The following PON2 variants were observed in gnomAD, a reference collection of about 807,000 sequenced individuals.
PON2 encodes serum paraoxonase/arylesterase 2.
In PON2, 27 loss-of-function variants were observed where a neutral mutation model predicts 36.6. The ratio of observed to expected loss-of-function variants is 0.74; its 90% CI spans 0.54 to 1.02. PON2 has a LOEUF of 1.02. Ranked by LOEUF, PON2 falls within the 50% of genes least tolerant of loss-of-function variation. PON2 has a pLI of 0.00. For synonymous variants in PON2, 149 were observed against 156.3 expected (o/e 0.95, Z 0.35); for missense variants, 363 against 421.1 (o/e 0.86, Z 1.21).
intron 1 of PON2, among the ~76,000 whole-genome samples, chr7:95,431,429 CT>C (rs17876186): frequency 6.8e-5 from 10 of 147,716 alleles, no homozygotes; most frequent in Admixed American, 6.7e-5. Flanking sequence ...TGCTTTTTTT[CT>C]TTTTTTTTTG....
At chr7:95,428,528 A>C (rs1243692123) in intron 1 of PON2, among the ~76,000 whole-genome samples, 1 of 152,246 alleles carries the variant, frequency 6.6e-6, no homozygotes, top group Non-Finnish European at 1.5e-5. Flanking sequence ...GAAATTATAG[A>C]TACTTTTCTA....
chr7:95,434,803 T>G, intron 1 of PON2, 75 bp downstream of exon 1: 1 of 1,487,700 alleles, frequency 6.7e-7, no homozygotes, highest in Non-Finnish European at 9.0e-7. Context: ...TCCCCCAGCC[T>G]GCGCCCTCCC....
rs956284208 is a variant in PON2, at chr7:95,405,471, G to A, written c.924C>T (p.Asn308=). ...TCACTGTAGGCTTCTCAGATAGAAT[G>A]TTCTGGATGCGGAGAACCTATTCAG... is the stretch of plus-strand genomic sequence containing the variant. ...PPSSEVLRIQ[N]ILSEKPTVTT... is the part of the protein sequence containing the mutation. The change falls in exon 9 of 9, where the codon AAC becomes AAT. Residue 308 remains asparagine (N), a synonymous_variant. Transcript: ENST00000222572. The A allele has an allele frequency of 1.2e-6, 2 of 1,613,080 alleles. No individual in the cohort carries two copies. Among genetic ancestry groups the A allele is most frequent in the Admixed American group, 3.3e-5 (2 of 60,018 alleles).
intron 2 of PON2, among the ~76,000 whole-genome samples, chr7:95,419,317 G>C (rs1789140757): frequency 6.6e-6 from 1 of 152,142 alleles, no homozygotes; most frequent in Non-Finnish European, 1.5e-5. Context: ...GGGAAGTTGG[G>C]GGGGATCTGG....
At chr7:95,424,919 GAA>G (rs1206711095) in intron 1 of PON2, among the ~76,000 whole-genome samples, 1 of 152,110 alleles carries the variant, frequency 6.6e-6, no homozygotes, top group Non-Finnish European at 1.5e-5. Context: ...GGTGTTGTGG[GAA>G]AAGAGTTCCA....
At chr7:95,430,601 GT>G (rs1789417191) in intron 1 of PON2, among the ~76,000 whole-genome samples, 1 of 151,640 alleles carries the variant, frequency 6.6e-6, no homozygotes, top group Non-Finnish European at 1.5e-5. Flanking sequence ...GCCCGGCCAT[GT>G]TTTTTTAATT....
chr7:95,417,779 T>G (rs1789103682), intron 2 of PON2, among the ~76,000 whole-genome samples: 1 of 150,694 alleles, frequency 6.6e-6, no homozygotes, highest in African/African-American at 2.4e-5. Context: ...TAGTAGAAGC[T>G]CAATTAATTA....
intron 1 of PON2, 108 bp downstream of exon 1, chr7:95,434,770 G>A: frequency 7.8e-7 from 1 of 1,282,416 alleles, no homozygotes; most frequent in South Asian, 1.4e-5. Context: ...CCCGGCCGCA[G>A]GGCCAGGTCC....
In PON2 at chr7:95,434,978, G is replaced by C. The variant is rs757473369; in HGVS notation, c.-27C>G. 9 of 1,515,834 alleles carry C rather than the reference G, an allele frequency of 5.9e-6. No individual in the cohort carries two copies. The South Asian group carries it at 6.1e-5, about 10-fold the overall frequency. 93.9% of individuals were successfully genotyped at this position (1,515,834 alleles called of 1,614,324 possible). On this transcript the variant is annotated 5_prime_UTR_variant, in exon 1 of 9. Transcript: ENST00000222572. The stretch of plus-strand genomic sequence containing the variant: ...GCGCGGGAGCCGGGCGCGCTGCCTC[G>C]CTCCGGCCTGGCCAGCAGCTCCGTG...
At chr7:95,429,098 T>C (rs1320517749) in intron 1 of PON2, among the ~76,000 whole-genome samples, 1 of 152,026 alleles carries the variant, frequency 6.6e-6, no homozygotes, top group African/African-American at 2.4e-5. Context: ...GTTTGTTACA[T>C]ATGTATACAT....
intron 2 of PON2, 153 bp downstream of exon 2, chr7:95,424,362 C>T: frequency 3.0e-6 from 2 of 667,544 alleles, no homozygotes; most frequent in Non-Finnish European, 5.4e-6. Context: ...CAGGGTTCAT[C>T]AGATCAAGAG....
At chr7:95,420,783 G>A (rs544761242) in intron 2 of PON2, among the ~76,000 whole-genome samples, 1 of 152,216 alleles carries the variant, frequency 6.6e-6, no homozygotes, top group African/African-American at 2.4e-5. Context: ...ATAAGAAACA[G>A]CCCTCTCTAT....
At chr7:95,417,725 A>C (rs563677563) in intron 2 of PON2, among the ~76,000 whole-genome samples, 12 of 151,376 alleles carry the variant, frequency 7.9e-5, no homozygotes, top group East Asian at 5.8e-4. Flanking sequence ...ACACACACAC[A>C]CCGAGAGAGA....
intron 1 of PON2, among the ~76,000 whole-genome samples, chr7:95,430,608 T>A (rs1259825097): frequency 6.6e-6 from 1 of 151,766 alleles, no homozygotes; most frequent in African/African-American, 2.4e-5. Context: ...CATGTTTTTT[T>A]AATTAGCCAG....
At chr7:95,407,388 T>C (rs1328888285) in intron 6 of PON2, among the ~76,000 whole-genome samples, 1 of 152,216 alleles carries the variant, frequency 6.6e-6, no homozygotes, top group Non-Finnish European at 1.5e-5. Flanking sequence ...GAAGAAAAGC[T>C]TTTACATTCC....
Position 95,406,222 on chromosome 7 carries a change from T to G in PON2, c.803A>C (p.Asp268Ala), listed in dbSNP as rs1177997556. ...CGAGGAAGGATCAATAGATAAATTA[T>G]CCACCAGTGTATCCAGCTCAAGTAC... The part of the protein sequence containing the change: ...LKVLELDTLV[D>A]NLSIDPSSGD... The change falls in exon 8 of 9, where the codon GAT becomes GCT. Residue 268 changes from aspartate to alanine, a missense_variant. Physicochemically the swap from Asp to Ala is moderately radical, Grantham distance 126 (BLOSUM62 -2). Transcript: ENST00000222572. 4.3e-6 allele frequency: 7 copies of G among 1,611,772 alleles called. No homozygotes were observed. The East Asian group carries it at 1.6e-4, about 36-fold the overall frequency.
At chr7:95,408,391 G>C (rs1333024727) in intron 6 of PON2, among the ~76,000 whole-genome samples, 1 of 152,192 alleles carries the variant, frequency 6.6e-6, no homozygotes, top group Non-Finnish European at 1.5e-5. Context: ...TGGGGGTAGA[G>C]GAAGGAGGCA....
At chr7:95,406,319 C>T (rs1809693229) in intron 7 of PON2, 72 bp from the exon 8 acceptor site, 1 of 1,482,654 alleles carries the variant, frequency 6.7e-7, no homozygotes, top group Non-Finnish European at 9.4e-7. Flanking sequence ...GGTAACCTTC[C>T]TGCCTCTATG....
chr7:95,416,062 G>C (rs944542129), intron 3 of PON2, 180 bp downstream of exon 3: 3 of 1,108,850 alleles, frequency 2.7e-6, no homozygotes, highest in Non-Finnish European at 3.8e-6. Context: ...AATGGGCAAA[G>C]AGTCTTCATC....
Sources: gnomAD v4.1 joint callset for allele counts (sites outside exome capture counted in the v4.1 genomes callset) on GRCh38, gnomAD v4.1.1 for gene constraint, MANE v1.5 for transcripts, NCBI Gene and HGNC (gene_info 2026-07-23, HGNC 2026-07-21) for gene names.